PACS2: variants seen among roughly 807,000 people sequenced by gnomAD.
PACS2 encodes the protein PACS1-like protein.
In PACS2, 36 loss-of-function variants were observed where a neutral mutation model predicts 113.0. The ratio of observed to expected loss-of-function variants is 0.32; its 90% CI spans 0.24 to 0.42. The LOEUF (loss-of-function observed/expected upper bound fraction) is 0.42. Among genes scored for constraint, PACS2 ranks in the 10% least tolerant of loss-of-function variants. The pLI, the probability that PACS2 is intolerant of heterozygous loss-of-function variation, is 1.00. For missense variants in PACS2, 1,015 were observed against 1,239.5 expected (o/e 0.82, Z 2.72); for synonymous variants, 589 against 536.1 (o/e 1.10, Z -1.36).
chr14:105,359,920 G>A (rs1056238611), intron 4 of PACS2, among the ~76,000 whole-genome samples: 4 of 152,138 alleles, frequency 2.6e-5, no homozygotes, highest in East Asian at 1.9e-4. Context: ...ATGAGCCACC[G>A]TGCCCAGCCT....
intron 10 of PACS2, 86 bp downstream of exon 10, chr14:105,379,915 C>A: frequency 7.0e-7 from 1 of 1,421,744 alleles, no homozygotes; most frequent in Non-Finnish European, 9.9e-7. Flanking sequence ...ATGTCCTGGG[C>A]CCAGGGCCCT....
At chr14:105,367,509 C>G (rs2060980658) in intron 5 of PACS2, 134 bp downstream of exon 5, 1 of 860,242 alleles carries the variant, frequency 1.2e-6, no homozygotes, top group African/African-American at 1.7e-5. Flanking sequence ...CAGTTGCTCT[C>G]CTGTCTGGAA....
chr14:105,392,628 C>T lies in PACS2; in HGVS notation c.2265C>T (p.Val755=), dbSNP rs587732574. 165 of 1,605,958 alleles carry T rather than the reference C, an allele frequency of 1.0e-4. 2 individuals carry two copies. The South Asian group carries it at 1.6e-3, about 16-fold the overall frequency. The change falls in exon 23 of 25, where the codon GTC becomes GTT. Residue 755 remains valine, a synonymous_variant. Transcript: ENST00000447393. Reference sequence around the variant, plus strand: ...CCTCTGCCTTTCCCAGCCAGGGTGTCGGCGCCGAGCTGATGGGGCTGCAGG... The same window carrying T: ...CCTCTGCCTTTCCCAGCCAGGGTGTTGGCGCCGAGCTGATGGGGCTGCAGG... ...SGGLSSPSQG[V]GAELMGLQVD... is the part of the protein sequence containing the mutation.
intron 19 of PACS2, chr14:105,389,021 T>G (rs74090530): frequency 7.5e-4 from 114 of 152,486 alleles, no homozygotes; most frequent in African/African-American, 2.6e-3. Flanking sequence ...CGGCGGGGCC[T>G]CATGCTGTGC....
intron 1 of PACS2, chr14:105,301,208 G>T (rs2058006600): frequency 6.6e-6 from 1 of 152,536 alleles, no homozygotes; most frequent in African/African-American, 2.4e-5. Context: ...GAACGCAGTC[G>T]GGGACTAAAG....
At chr14:105,368,700 G>T (rs1009902584) in intron 7 of PACS2, among the ~76,000 whole-genome samples, 161 bp downstream of exon 7, 1 of 152,156 alleles carries the variant, frequency 6.6e-6, no homozygotes, top group African/African-American at 2.4e-5. Flanking sequence ...TCTCCTGCCG[G>T]GTGCCACTGT....
At position 105,365,945 on chromosome 14, in the gene PACS2, G is replaced by A. The variant is rs189483079; in HGVS notation, c.424-1268G>A. The stretch of plus-strand genomic sequence containing the variant: ...CGAGTGTTGGCAGAAGCTGCCAGCT[G>A]CCCTTCGTCATTTTCTGAAATGAAG... On this transcript the variant is annotated intron_variant, in intron 4 of 24. Transcript: ENST00000447393. The surrounding 1 kb of genome is among the most constrained non-coding windows in gnomAD (Gnocchi z 5.1). Among the ~76,000 whole-genome samples the A allele has an allele frequency of 1.5e-4, 23 of 152,358 alleles. No individual in the cohort carries two copies. The highest frequency in any genetic ancestry group is 5.3e-4 in the African/African-American group (22 of 41,590).
rs1210545896 is a variant in PACS2 at position 105,329,372 on chromosome 14, CAGAAG to C, written c.119+14341_119+14345del. Among the ~76,000 whole-genome samples, 1 of 152,188 alleles carries C rather than the reference CAGAAG, an allele frequency of 6.6e-6. No homozygotes were observed. Among genetic ancestry groups the C allele is most frequent in the Non-Finnish European group, 1.5e-5 (1 of 68,038 alleles). ...GCTCCCTGGCAACTGTTGCCTTTCC[CAGAAG>C]AGAAGTCCCTGGAACCAGGACCAGC... On this transcript the variant is annotated intron_variant, in intron 1 of 24. Transcript: ENST00000447393. This position sits in a 1 kb window ranked among gnomAD's most constrained non-coding sequence, Gnocchi z 6.4.
chr14:105,315,041 C>T lies in PACS2; in HGVS notation c.119+4C>T, dbSNP rs1463044388. 3.4e-6 allele frequency: 4 copies of T among 1,176,518 alleles called. No individual in the cohort carries two copies. Among genetic ancestry groups the T allele is most frequent in the East Asian group, 5.0e-5 (1 of 19,882 alleles). 72.9% of individuals were successfully genotyped at this position (1,176,518 alleles called of 1,614,324 possible). ...CCAGCCCCAGCTGCGTGCCCAGGTA[C>T]GCGCCGCCCGCCGCGCTTTGTTCCC... is the stretch of plus-strand genomic sequence containing the variant. On this transcript the variant is annotated splice_donor_region_variant and intron_variant, in intron 1 of 24. Transcript: ENST00000447393. This position sits in a 1 kb window ranked among gnomAD's most constrained non-coding sequence, Gnocchi z 4.4.
intron 10 of PACS2, 25 bp downstream of exon 10, chr14:105,379,854 C>A: frequency 6.2e-7 from 1 of 1,600,634 alleles, no homozygotes; most frequent in Non-Finnish European, 8.6e-7. Context: ...ACTGATCTCC[C>A]AGAGCAGACC....
intron 14 of PACS2, 66 bp downstream of exon 14, chr14:105,382,647 C>A: frequency 9.1e-7 from 1 of 1,098,646 alleles, no homozygotes; most frequent in Non-Finnish European, 1.4e-6. Flanking sequence ...GTTCCTGAAG[C>A]TGCCCCCTAC....
chr14:105,302,042 G>A (rs1271238661), intron 1 of PACS2, among the ~76,000 whole-genome samples: 1 of 151,918 alleles, frequency 6.6e-6, no homozygotes, highest in Non-Finnish European at 1.5e-5. Flanking sequence ...GCGAGTCTGA[G>A]ACAGGAGAAC....
intron 1 of PACS2, among the ~76,000 whole-genome samples, chr14:105,346,129 G>A (rs1212486276): frequency 6.6e-6 from 1 of 152,172 alleles, no homozygotes; most frequent in East Asian, 1.9e-4. Context: ...GTCTGTAGTA[G>A]GCAGGCTTGT....
Position 105,356,247 on chromosome 14 carries a change from G to A in PACS2, c.423+1070G>A, listed in dbSNP as rs1332121351. Reference sequence around the variant, plus strand: ...CAGATCCTCACACACCCCCACTTACGCATCCAGGACAAGTGCCAAGTACTA... The same window carrying A: ...CAGATCCTCACACACCCCCACTTACACATCCAGGACAAGTGCCAAGTACTA... On this transcript the variant is annotated intron_variant, in intron 4 of 24. Transcript: ENST00000447393. The surrounding 1 kb of genome is among the most constrained non-coding windows in gnomAD (Gnocchi z 4.0). Among the ~76,000 whole-genome samples the A allele has an allele frequency of 2.0e-5, 3 of 152,092 alleles. No individual in the cohort carries two copies. The highest frequency in any genetic ancestry group is 2.1e-4 in the South Asian group (1 of 4,828).
chr14:105,351,731 G>C (rs995479067), intron 2 of PACS2, among the ~76,000 whole-genome samples: 9 of 152,172 alleles, frequency 5.9e-5, no homozygotes, highest in African/African-American at 2.2e-4. Context: ...TGTAGTCCCA[G>C]GTGCTAGGGA....
chr14:105,307,732 C>T (rs145021392), intron 1 of PACS2, among the ~76,000 whole-genome samples: 148 of 152,334 alleles, frequency 9.7e-4, no homozygotes, highest in African/African-American at 3.4e-3. Context: ...TCCTCATCTG[C>T]ATAACAGGGA....
rs781928681 is a variant in PACS2, at chr14:105,368,502, A to G, written c.704A>G (p.Gln235Arg). 6.2e-7 allele frequency: 1 copy of G among 1,614,114 alleles called. No individual in the cohort carries two copies. Among genetic ancestry groups the G allele is most frequent in the African/African-American group, 1.3e-5 (1 of 75,076 alleles). ...DDFDVGKPKKQRRSIVRTTSM... is the reference protein window; with the variant it reads ...DDFDVGKPKKRRRSIVRTTSM... Reference sequence around the variant, plus strand: ...TTTGACGTGGGGAAGCCGAAGAAGCAGCGGAGATCGATTGTAAGAACGACG... The same window carrying G: ...TTTGACGTGGGGAAGCCGAAGAAGCGGCGGAGATCGATTGTAAGAACGACG... Residue 235 changes from glutamine (Q) to arginine (R), a missense_variant, in exon 7 of 25, where the codon CAG becomes CGG. Physicochemically the swap from Gln to Arg is conservative, Grantham distance 43. Transcript: ENST00000447393.
rs979716261 is a variant in PACS2 at position 105,301,146 on chromosome 14, G to A, written c.-83+167G>A. 5 of 152,908 alleles carry A rather than the reference G, an allele frequency of 3.3e-5. No homozygotes were observed. The East Asian group carries it at 5.8e-4, about 18-fold the overall frequency. The allele number at this position is 152,908 out of a possible 1,614,324, so 9.5% of individuals were successfully genotyped here. On this transcript the variant is annotated intron_variant, in intron 1 of 23. Coordinates refer to the PACS2 transcript ENST00000430725. ...GGGGACGGGACCCAAGGCTGGCGAC[G>A]GGACCCAAGGCTGGCGACGCGACCT...
chr14:105,371,778 A>G (rs1319994969), intron 8 of PACS2: 3 of 152,240 alleles, frequency 2.0e-5, no homozygotes, highest in African/African-American at 7.2e-5. Flanking sequence ...ATAACAAAAT[A>G]CTTTAGACTG....
Sources: gnomAD v4.1 joint callset for allele counts (sites outside exome capture counted in the v4.1 genomes callset) on GRCh38, gnomAD v4.1.1 for gene constraint, Gnocchi (gnomAD v3.1) non-coding constraint, MANE v1.5 for transcripts, NCBI Gene and HGNC (gene_info 2026-07-23, HGNC 2026-07-21) for gene names.